Variants in GPC5 observed in about 807,000 individuals in gnomAD.
The protein encoded by GPC5 is glypican-5.
GPC5 carries 47 observed loss-of-function variants against 53.9 expected under a neutral mutation model. The ratio of observed to expected loss-of-function variants is 0.87; its 90% CI spans 0.69 to 1.11. The LOEUF (loss-of-function observed/expected upper bound fraction) is 1.11. Ranked by LOEUF, GPC5 falls within the 50% of genes most tolerant of loss-of-function variation. The pLI is 0.00. For missense variants in GPC5, 748 were observed against 713.1 expected, an observed-to-expected ratio of 1.05 and a Z score of -0.56; for synonymous variants, 286 against 263.3, an observed-to-expected ratio of 1.09 and a Z score of -0.84.
intron 7 of GPC5, among the ~76,000 whole-genome samples, chr13:92,825,585 C>T (rs940678213): frequency 6.6e-6 from 1 of 152,010 alleles, no homozygotes; most frequent in Non-Finnish European, 1.5e-5. Flanking sequence ...GTCAGGGTAT[C>T]AACTACAGCC....
rs1168224532 is a variant in GPC5, at chr13:92,852,518, C to G, written c.1562-13764C>G. On this transcript the variant is annotated intron_variant, in intron 7 of 7. Transcript: ENST00000377067. ...AGAAACATCCTGCAACTCATTTTGA[C>G]CAATGACCTAGTAAGCAGAAGTGAC... 3.3e-5 allele frequency among the ~76,000 whole-genome samples: 5 copies of G among 152,278 alleles called. No homozygotes were observed. The East Asian group carries it at 9.7e-4, about 29-fold the overall frequency.
intron 7 of GPC5, 60 bp from the exon 8 acceptor site, chr13:92,866,222 C>A: frequency 2.0e-6 from 3 of 1,477,222 alleles, no homozygotes; most frequent in East Asian, 2.4e-5. Context: ...AAGAGTTGTT[C>A]TAGACGTATT....
intron 2 of GPC5, among the ~76,000 whole-genome samples, chr13:91,451,916 C>T (rs1881207101): frequency 6.6e-6 from 1 of 151,758 alleles, no homozygotes; most frequent in African/African-American, 2.4e-5. Flanking sequence ...ATGCCCAGCC[C>T]ACATTTTCTT....
intron 5 of GPC5, among the ~76,000 whole-genome samples, chr13:91,806,084 G>C (rs899101457): frequency 3.8e-5 from 5 of 131,828 alleles, no homozygotes; most frequent in Non-Finnish European, 4.6e-5. Context: ...TGCCCAGGCT[G>C]GAGTCCAGTG....
intron 7 of GPC5, among the ~76,000 whole-genome samples, chr13:92,586,150 G>C (rs563500937): frequency 6.6e-6 from 1 of 152,312 alleles, no homozygotes; most frequent in African/African-American, 2.4e-5. Context: ...TTCAATATGA[G>C]AAGACAGAAT....
chr13:92,752,422 G>C lies in GPC5; in HGVS notation c.1562-113860G>C, dbSNP rs564012226. The stretch of plus-strand genomic sequence containing the variant: ...ACAATGGAAATAGTAATTGCACTAA[G>C]TTGATGGAATTGTTGTAAAGGTAAA... On this transcript the variant is annotated intron_variant, in intron 7 of 7. Transcript: ENST00000377067. 3.2e-4 allele frequency among the ~76,000 whole-genome samples: 49 copies of C among 152,312 alleles called. 1 individual carries two copies. Among genetic ancestry groups the C allele is most frequent in the Non-Finnish European group, 1.2e-4 (8 of 68,034 alleles).
chr13:91,956,096 G>A (rs550441487), intron 6 of GPC5, among the ~76,000 whole-genome samples: 4 of 152,142 alleles, frequency 2.6e-5, no homozygotes, highest in Non-Finnish European at 5.9e-5. Flanking sequence ...CCTCCCCAGT[G>A]CCTACCACAG....
chr13:92,276,337 G>T (rs934824689), intron 7 of GPC5, among the ~76,000 whole-genome samples: 1 of 152,042 alleles, frequency 6.6e-6, no homozygotes, highest in Non-Finnish European at 1.5e-5. Flanking sequence ...TTCTCAGAAT[G>T]GTTTGTTTTG....
chr13:92,798,433 T>C (rs1594514910), intron 7 of GPC5, among the ~76,000 whole-genome samples: 1 of 151,878 alleles, frequency 6.6e-6, no homozygotes, highest in African/African-American at 2.4e-5. Flanking sequence ...TCATTTATAC[T>C]TTTTCCTTGC....
chr13:92,657,487 A>T (rs969574941), intron 7 of GPC5, among the ~76,000 whole-genome samples: 2 of 151,820 alleles, frequency 1.3e-5, no homozygotes, highest in Non-Finnish European at 2.9e-5. Flanking sequence ...TGTAATCAAG[A>T]GGGAAAATAC....
At chr13:91,841,462 T>C (rs2038787232) in intron 5 of GPC5, among the ~76,000 whole-genome samples, 1 of 151,584 alleles carries the variant, frequency 6.6e-6, no homozygotes, top group Admixed American at 6.6e-5. Context: ...AGTAGCATTT[T>C]ACATAAAAAA....
chr13:92,586,963 C>CGTGT (rs569708377), intron 7 of GPC5, among the ~76,000 whole-genome samples: 1 of 60,978 alleles, frequency 1.6e-5, no homozygotes, highest in Non-Finnish European at 3.2e-5. Flanking sequence ...CACACACACA[C>CGTGT]GCGCACACAC....
chr13:92,582,501 T>C (rs1201391297), intron 7 of GPC5, among the ~76,000 whole-genome samples: 2 of 152,148 alleles, frequency 1.3e-5, no homozygotes, highest in Non-Finnish European at 2.9e-5. Flanking sequence ...AGATTCCATA[T>C]AAATTTTAGG....
intron 7 of GPC5, among the ~76,000 whole-genome samples, chr13:92,549,843 A>G (rs1389263148): frequency 6.6e-6 from 1 of 150,940 alleles, no homozygotes; most frequent in Non-Finnish European, 1.5e-5. Context: ...ACAAGAAGGT[A>G]GGGGTAAAAG....
At chr13:92,813,697 A>C (rs773588925) in intron 7 of GPC5, among the ~76,000 whole-genome samples, 6 of 152,020 alleles carry the variant, frequency 3.9e-5, no homozygotes, top group Non-Finnish European at 8.8e-5. Flanking sequence ...AAAATGTACA[A>C]TTCTTCTACA....
chr13:91,997,953 A>C (rs1043808869), intron 6 of GPC5, among the ~76,000 whole-genome samples: 2 of 152,240 alleles, frequency 1.3e-5, no homozygotes, highest in Admixed American at 6.5e-5. Context: ...TTTCAAGGTC[A>C]TGAAGTTATT....
At chr13:91,460,114 TTAGTCAATAACCC>T in intron 2 of GPC5, among the ~76,000 whole-genome samples, 1 of 152,228 alleles carries the variant, frequency 6.6e-6, no homozygotes, top group South Asian at 2.1e-4. Context: ...GAATTATTTA[TTAGTCAATAACCC>T]AGTTAGCAAG....
intron 7 of GPC5, among the ~76,000 whole-genome samples, chr13:92,413,152 G>A (rs1172514373): frequency 4.6e-5 from 7 of 152,236 alleles, no homozygotes; most frequent in African/African-American, 1.7e-4. Flanking sequence ...GAGCAAACCT[G>A]GTGGGTGGTT....
chr13:92,606,373 T>G (rs1884261402), intron 7 of GPC5, among the ~76,000 whole-genome samples: 1 of 152,166 alleles, frequency 6.6e-6, no homozygotes, highest in Admixed American at 6.5e-5. Context: ...TTGCCCAGAA[T>G]GATGGTTCCC....
Sources: allele counts gnomAD v4.1 joint callset (sites outside exome capture counted in the v4.1 genomes callset), GRCh38; gene constraint gnomAD v4.1.1; transcripts MANE v1.5; gene names NCBI Gene and HGNC (gene_info 2026-07-23, HGNC 2026-07-21).